Variants in SUGCT observed in about 807,000 individuals in gnomAD.
SUGCT encodes succinyl-CoA:glutarate CoA-transferase.
A neutral mutation model predicts 55.0 loss-of-function variants in SUGCT; 41 were observed. The observed-to-expected ratio is 0.74, with a 90% CI of 0.58 to 0.97. SUGCT has a LOEUF of 0.97. SUGCT is among the 50% of genes least tolerant of loss of function. The probability of loss-of-function intolerance (pLI) is 0.00; values close to 1 mark genes in which losing one functional copy is unlikely to be tolerated. For synonymous variants in SUGCT, 187 were observed against 200.4 expected, an observed-to-expected ratio of 0.93 and a Z score of 0.56; for missense variants, 568 against 547.8, an observed-to-expected ratio of 1.04 and a Z score of -0.37.
At chr7:40,869,218 T>C in the SUGCT span, among the ~76,000 whole-genome samples, 3 of 152,178 alleles carry the variant, frequency 2.0e-5, no homozygotes, top group Admixed American at 6.5e-5. Context: ...GATCTTAGTA[T>C]AGAGAGACTC....
downstream of SUGCT, among the ~76,000 whole-genome samples, chr7:40,863,635 G>T (rs549618879): frequency 6.6e-6 from 1 of 152,092 alleles, no homozygotes; most frequent in Non-Finnish European, 1.5e-5. Flanking sequence ...AATGCACACC[G>T]TTGCCCTCCA....
intron 8 of SUGCT, among the ~76,000 whole-genome samples, chr7:40,309,300 G>GTTT (rs70996902): frequency 6.7e-6 from 1 of 149,926 alleles, no homozygotes; most frequent in South Asian, 2.1e-4. Flanking sequence ...TGATATCAGT[G>GTTT]TTTTTTTTTT....
At chr7:40,561,514 C>T (rs927364254) in intron 12 of SUGCT, among the ~76,000 whole-genome samples, 3 of 151,874 alleles carry the variant, frequency 2.0e-5, no homozygotes, top group Non-Finnish European at 2.9e-5. Flanking sequence ...TATTATGTGC[C>T]AGGCATTGTG....
intron 11 of SUGCT, among the ~76,000 whole-genome samples, chr7:40,474,226 T>C (rs1157116286): frequency 6.6e-6 from 1 of 151,728 alleles, no homozygotes; most frequent in Non-Finnish European, 1.5e-5. Flanking sequence ...TATGTTAGGG[T>C]TTGCCTAGAA....
chr7:40,222,986 T>TTTCCTTCC (rs200277908), intron 6 of SUGCT, among the ~76,000 whole-genome samples: 1,202 of 93,968 alleles, frequency 0.013, 11 homozygotes, highest in Middle Eastern at 0.029. Context: ...TTTTCATTTC[T>TTTCCTTCC]TTCCTTCCTT....
At chr7:40,417,071 A>G (rs1430350872) in intron 9 of SUGCT, among the ~76,000 whole-genome samples, 5 of 152,020 alleles carry the variant, frequency 3.3e-5, no homozygotes, top group Admixed American at 2.6e-4. Flanking sequence ...AAAATTTTCT[A>G]ACTCTTTATC....
intron 12 of SUGCT, among the ~76,000 whole-genome samples, chr7:40,721,360 T>C (rs970856412): frequency 1.3e-5 from 2 of 152,236 alleles, no homozygotes; most frequent in Admixed American, 6.5e-5. Flanking sequence ...AGAGTTATTA[T>C]GAACTTTCTT....
chr7:40,944,344 A>T, the SUGCT span, among the ~76,000 whole-genome samples: 2 of 151,344 alleles, frequency 1.3e-5, no homozygotes, highest in Non-Finnish European at 1.5e-5. Context: ...TTTAGACATG[A>T]AGTCCTTGCC....
At chr7:40,683,468 A>G (rs1221282397) in intron 12 of SUGCT, among the ~76,000 whole-genome samples, 1 of 152,182 alleles carries the variant, frequency 6.6e-6, no homozygotes, top group Admixed American at 6.5e-5. Flanking sequence ...TCATAAACAC[A>G]TCCCACTGGC....
At chr7:40,338,157 C>G (rs2151168242) in intron 9 of SUGCT, among the ~76,000 whole-genome samples, 1 of 152,220 alleles carries the variant, frequency 6.6e-6, no homozygotes, top group African/African-American at 2.4e-5. Context: ...GGTAACCCAA[C>G]CTTTCTCTCT....
intron 8 of SUGCT, among the ~76,000 whole-genome samples, chr7:40,301,361 G>T (rs1443194613): frequency 1.3e-5 from 2 of 152,152 alleles, no homozygotes; most frequent in African/African-American, 4.8e-5. Context: ...CTATTCTTCA[G>T]ATTGTTTTTT....
chr7:40,549,470 T>C lies in SUGCT; in HGVS notation c.1089+53084T>C, dbSNP rs570984355. ...AAATTGTCTAGGAGGAAACCAAAGA[T>C]GGAAAAGACAGTGTACCTCTGCCTT... On this transcript the variant is annotated intron_variant, in intron 12 of 13. Coordinates refer to ENST00000335693, the MANE Select transcript of SUGCT (RefSeq NM_001193313.2). Among the ~76,000 whole-genome samples the C allele has an allele frequency of 2.6e-5, 4 of 152,148 alleles. No individual in the cohort carries two copies. In the East Asian group the frequency reaches 7.7e-4, roughly 29 times the overall value.
intron 12 of SUGCT, among the ~76,000 whole-genome samples, chr7:40,549,286 C>A (rs913957991): frequency 6.6e-6 from 1 of 152,130 alleles, no homozygotes; most frequent in African/African-American, 2.4e-5. Context: ...TCTGATAATA[C>A]ACTTTCTGTA....
chr7:40,510,657 G>A (rs756434002), intron 12 of SUGCT, among the ~76,000 whole-genome samples: 4 of 151,976 alleles, frequency 2.6e-5, no homozygotes, highest in South Asian at 2.1e-4. Context: ...AACGTTAAGC[G>A]TTTTCAACAG....
intron 12 of SUGCT, among the ~76,000 whole-genome samples, chr7:40,736,685 C>A (rs765435895): frequency 1.9e-4 from 29 of 151,994 alleles, no homozygotes; most frequent in Admixed American, 8.5e-4. Flanking sequence ...GGAATAATAT[C>A]ATCAGTATAC....
chr7:40,803,733 A>G (rs1224378259), intron 13 of SUGCT, among the ~76,000 whole-genome samples: 3 of 152,246 alleles, frequency 2.0e-5, no homozygotes, highest in Non-Finnish European at 4.4e-5. Context: ...TGAGTAACCT[A>G]AAGAAATCAA....
At chr7:40,872,634 CT>C in the SUGCT span, among the ~76,000 whole-genome samples, 2 of 152,150 alleles carry the variant, frequency 1.3e-5, no homozygotes, top group African/African-American at 4.8e-5. Context: ...ATTTTGAGTT[CT>C]GCCATTCTTA....
At chr7:40,746,198 T>C (rs1335894083) in intron 12 of SUGCT, among the ~76,000 whole-genome samples, 1 of 152,084 alleles carries the variant, frequency 6.6e-6, no homozygotes, top group Non-Finnish European at 1.5e-5. Flanking sequence ...CAGACAGACT[T>C]CCTGGGTTCT....
intron 9 of SUGCT, among the ~76,000 whole-genome samples, chr7:40,434,809 C>T (rs1181136896): frequency 6.6e-6 from 1 of 152,116 alleles, no homozygotes; most frequent in Non-Finnish European, 1.5e-5. Flanking sequence ...CTACCTTTTC[C>T]ATCATTTTTT....
Sources: allele counts gnomAD v4.1 joint callset (sites outside exome capture counted in the v4.1 genomes callset), GRCh38; gene constraint gnomAD v4.1.1; transcripts MANE v1.5; gene names NCBI Gene and HGNC (gene_info 2026-07-23, HGNC 2026-07-21).